NELL2: variants seen among roughly 807,000 people sequenced by gnomAD.
NELL2 encodes the protein neural EGFL like 2.
NELL2 carries 41 observed loss-of-function variants against 109.6 expected under a neutral mutation model. That is an observed-to-expected ratio of 0.37 (90% CI 0.29 to 0.49). NELL2 has a LOEUF of 0.49. Among genes scored for constraint, NELL2 ranks in the 20% least tolerant of loss-of-function variants. NELL2 has a pLI of 0.98. For missense variants in NELL2, 900 were observed against 1,008.3 expected, an observed-to-expected ratio of 0.89 and a Z score of 1.45; for synonymous variants, 355 against 344.7, an observed-to-expected ratio of 1.03 and a Z score of -0.33.
chr12:44,780,746 AC>A (rs1332895728), intron 3 of NELL2, among the ~76,000 whole-genome samples: 2 of 151,038 alleles, frequency 1.3e-5, no homozygotes, highest in Non-Finnish European at 3.0e-5. Flanking sequence ...TAATGAAACC[AC>A]CCCGCCACAG....
At chr12:44,727,264 T>A (rs1809763973) in intron 9 of NELL2, among the ~76,000 whole-genome samples, 2 of 152,118 alleles carry the variant, frequency 1.3e-5, no homozygotes, top group Non-Finnish European at 2.9e-5. Context: ...GAAATCAGTA[T>A]CTTTCAAGAG....
At chr12:44,891,708 C>T (rs575352286) in intron 1 of NELL2, among the ~76,000 whole-genome samples, 13 of 152,026 alleles carry the variant, frequency 8.6e-5, no homozygotes, top group Non-Finnish European at 1.8e-4. Context: ...ACTGTAAGAA[C>T]AGAGCTTGAG....
At chr12:44,802,498 C>T (rs954390846) in intron 3 of NELL2, among the ~76,000 whole-genome samples, 124 of 151,878 alleles carry the variant, frequency 8.2e-4, no homozygotes, top group East Asian at 1.9e-4. Flanking sequence ...CAGTTCAATA[C>T]GTGCAATACT....
At chr12:44,557,559 T>C (rs117603430) in intron 15 of NELL2, among the ~76,000 whole-genome samples, 3,804 of 152,290 alleles carry the variant, frequency 0.025, 78 homozygotes, top group Non-Finnish European at 0.038. Flanking sequence ...AACTGACATG[T>C]TGTCACTTCA....
chr12:44,682,683 C>T (rs754183360), intron 12 of NELL2, among the ~76,000 whole-genome samples: 19 of 152,172 alleles, frequency 1.2e-4, no homozygotes, highest in Non-Finnish European at 1.9e-4. Context: ...GGAATCCTTT[C>T]CCCATTTCTT....
intron 15 of NELL2, among the ~76,000 whole-genome samples, chr12:44,566,250 C>T (rs1245787203): frequency 6.6e-6 from 1 of 152,068 alleles, no homozygotes; most frequent in Non-Finnish European, 1.5e-5. Flanking sequence ...TTTTAGTGTA[C>T]TGAATTATTT....
At chr12:44,838,370 G>A (rs1395768706) in intron 2 of NELL2, among the ~76,000 whole-genome samples, 5 of 152,184 alleles carry the variant, frequency 3.3e-5, no homozygotes, top group East Asian at 3.9e-4. Flanking sequence ...TCAGTCCCTT[G>A]CCACACAAAT....
At chr12:44,897,574 A>G (rs888675397) in intron 1 of NELL2, among the ~76,000 whole-genome samples, 8 of 152,292 alleles carry the variant, frequency 5.3e-5, no homozygotes, top group Admixed American at 5.2e-4. Context: ...CATAACGGAC[A>G]GTGCTGTCCA....
At chr12:44,610,254 A>AAC (rs1491118804) in intron 14 of NELL2, among the ~76,000 whole-genome samples, 1 of 147,910 alleles carries the variant, frequency 6.8e-6, no homozygotes, top group Non-Finnish European at 1.5e-5. Flanking sequence ...AAAAAAAAAA[A>AAC]CAAAAAAAAA....
chr12:44,741,226 T>G (rs1341606709), intron 9 of NELL2, among the ~76,000 whole-genome samples: 1 of 152,214 alleles, frequency 6.6e-6, no homozygotes, highest in Non-Finnish European at 1.5e-5. Flanking sequence ...ATTTTCTTAA[T>G]AACATTTTCT....
rs370642466 is a variant in NELL2 at position 44,779,646 on chromosome 12, C to G, written c.606+17G>C. On this transcript the variant is annotated intron_variant, in intron 5 of 19. Coordinates refer to ENST00000429094, the MANE Select transcript of NELL2 (RefSeq NM_001145108.2). ...AAAGCATTTACATTTCATTCTCAGACTTTTGCCAAAAGATACCTTAAAATA... is the reference window on the plus strand; with the variant it reads ...AAAGCATTTACATTTCATTCTCAGAGTTTTGCCAAAAGATACCTTAAAATA... The G allele has an allele frequency of 3.1e-6, 5 of 1,599,040 alleles. No homozygotes were observed. The African/African-American group carries it at 6.7e-5, about 21-fold the overall frequency.
intron 13 of NELL2, among the ~76,000 whole-genome samples, chr12:44,663,583 T>G (rs968319823): frequency 6.6e-6 from 1 of 152,214 alleles, no homozygotes; most frequent in East Asian, 1.9e-4. Context: ...AAGGAATAGT[T>G]CTCAATTATG....
intron 3 of NELL2, among the ~76,000 whole-genome samples, chr12:44,801,762 C>T: frequency 6.6e-6 from 1 of 152,162 alleles, no homozygotes; most frequent in East Asian, 1.9e-4. Flanking sequence ...AGGGAAAACA[C>T]TTCCATGCAC....
At chr12:44,753,448 C>G (rs1940744573) in intron 9 of NELL2, among the ~76,000 whole-genome samples, 1 of 152,154 alleles carries the variant, frequency 6.6e-6, no homozygotes, top group South Asian at 2.1e-4. Context: ...TTTTCCCTCT[C>G]TGTCTTTATC....
intron 5 of NELL2, among the ~76,000 whole-genome samples, chr12:44,778,015 G>C (rs1941818483): frequency 1.3e-5 from 2 of 152,134 alleles, no homozygotes; most frequent in Non-Finnish European, 2.9e-5. Flanking sequence ...GGCTCCTAAA[G>C]CAAAGACCAA....
chr12:44,887,068 T>G (rs963612448), intron 1 of NELL2, among the ~76,000 whole-genome samples: 1 of 152,126 alleles, frequency 6.6e-6, no homozygotes. Context: ...TGAATAGTGC[T>G]GAATGAGCAT....
rs147356532 is a variant in NELL2, at chr12:44,739,211, G to A, written c.995-24470C>T. Among the ~76,000 whole-genome samples, 1,002 of 152,116 alleles carry A rather than the reference G, an allele frequency of 6.6e-3. 14 individuals are homozygous for A. The highest frequency in any genetic ancestry group is 0.023 in the African/African-American group (956 of 41,486). On this transcript the variant is annotated intron_variant, in intron 9 of 19. Coordinates refer to ENST00000429094, the MANE Select transcript of NELL2 (RefSeq NM_001145108.2). Reference sequence around the variant, plus strand: ...CCCTTACCATAATTTGCAATAATTCGTGTGTGTGTATGTATGTATCCTTTA... The same window carrying A: ...CCCTTACCATAATTTGCAATAATTCATGTGTGTGTATGTATGTATCCTTTA...
chr12:44,866,646 G>A (rs1447602588), intron 2 of NELL2, among the ~76,000 whole-genome samples: 1 of 152,008 alleles, frequency 6.6e-6, no homozygotes, highest in East Asian at 1.9e-4. Context: ...AGAAATAAAT[G>A]AGAGAGACTA....
chr12:44,881,690 G>T (rs959550685), intron 1 of NELL2: 4 of 151,984 alleles, frequency 2.6e-5, no homozygotes, highest in Admixed American at 6.5e-5. Flanking sequence ...CAAAAGGGGA[G>T]AAGAAAGAGT....
Sources: gnomAD v4.1 joint callset for allele counts (sites outside exome capture counted in the v4.1 genomes callset) on GRCh38, gnomAD v4.1.1 for gene constraint, MANE v1.5 for transcripts, NCBI Gene and HGNC (gene_info 2026-07-23, HGNC 2026-07-21) for gene names.